The following FBXL20 variants were observed in gnomAD, a reference collection of about 807,000 sequenced individuals.
FBXL20 encodes the protein F-box and leucine rich repeat protein 20.
In FBXL20, 11 loss-of-function variants were observed where a neutral mutation model predicts 64.0. The observed-to-expected ratio is 0.17, with a 90% CI of 0.11 to 0.28. The LOEUF is 0.28. Among genes scored for constraint, FBXL20 ranks in the 10% least tolerant of loss-of-function variants. The pLI is 1.00. For missense variants in FBXL20, 303 were observed against 526.2 expected, an observed-to-expected ratio of 0.58 and a Z score of 4.15; for synonymous variants, 184 against 189.0, an observed-to-expected ratio of 0.97 and a Z score of 0.22.
At chr17:39,290,048 T>A (rs932706332) in intron 6 of FBXL20, among the ~76,000 whole-genome samples, 1 of 150,176 alleles carries the variant, frequency 6.7e-6, no homozygotes. Context: ...TATTTCTCTA[T>A]CATTTACTTA....
chr17:39,399,835 A>G (rs1162195701), intron 1 of FBXL20, among the ~76,000 whole-genome samples: 1 of 152,244 alleles, frequency 6.6e-6, no homozygotes, highest in Admixed American at 6.5e-5. Flanking sequence ...ACAAGAGAAT[A>G]CTTTCCAAAA....
At chr17:39,386,528 G>A (rs1280793039) in intron 1 of FBXL20, among the ~76,000 whole-genome samples, 1 of 151,764 alleles carries the variant, frequency 6.6e-6, no homozygotes, top group African/African-American at 2.4e-5. Flanking sequence ...GGAGGCTGAG[G>A]CACAAAAATC....
chr17:39,271,629 G>T (rs1030995514), intron 10 of FBXL20, among the ~76,000 whole-genome samples: 1 of 148,394 alleles, frequency 6.7e-6, no homozygotes, highest in Non-Finnish European at 1.5e-5. Context: ...AAAAAAGGTG[G>T]GGGGGATTGC....
intron 1 of FBXL20, among the ~76,000 whole-genome samples, chr17:39,347,543 T>C (rs2047646293): frequency 6.6e-6 from 1 of 151,762 alleles, no homozygotes; most frequent in Admixed American, 6.6e-5. Context: ...GGTTGTTTGA[T>C]TTTTTCTTGT....
chr17:39,402,314 GC>G, upstream of FBXL20: 2 of 854,242 alleles, frequency 2.3e-6, no homozygotes, highest in African/African-American at 1.7e-5. Context: ...CGCCTCCCCC[GC>G]CCCAGTGCAT....
chr17:39,349,817 T>C (rs751562207), intron 1 of FBXL20, among the ~76,000 whole-genome samples: 7 of 151,752 alleles, frequency 4.6e-5, no homozygotes, highest in Non-Finnish European at 7.4e-5. Flanking sequence ...GCGCTTGTAG[T>C]CCCAGCTACT....
intron 1 of FBXL20, among the ~76,000 whole-genome samples, chr17:39,391,626 G>A (rs1226366117): frequency 6.6e-6 from 1 of 152,048 alleles, no homozygotes; most frequent in Non-Finnish European, 1.5e-5. Context: ...GTAAAATCCT[G>A]ATGACATCAC....
At chr17:39,381,556 C>T (rs189618392) in intron 1 of FBXL20, among the ~76,000 whole-genome samples, 66 of 150,990 alleles carry the variant, frequency 4.4e-4, no homozygotes, top group African/African-American at 1.5e-3. Context: ...TGTGGGAGGC[C>T]GAAGCAGGCA....
chr17:39,357,766 T>C (rs1022815583), intron 1 of FBXL20, among the ~76,000 whole-genome samples: 1 of 152,232 alleles, frequency 6.6e-6, no homozygotes, highest in African/African-American at 2.4e-5. Context: ...TTGTCGTTCA[T>C]ATTTACCTCT....
At chr17:39,382,172 G>A (rs1168798242) in intron 1 of FBXL20, among the ~76,000 whole-genome samples, 5 of 145,256 alleles carry the variant, frequency 3.4e-5, no homozygotes, top group East Asian at 2.1e-4. Context: ...GGCTTGGCGC[G>A]GTGGCTCACG....
chr17:39,285,670 T>C, intron 6 of FBXL20, 97 bp from the exon 7 acceptor site: 1 of 611,310 alleles, frequency 1.6e-6, no homozygotes, highest in Non-Finnish European at 2.5e-6. Context: ...TGTGTATATA[T>C]AAGAACTGTA....
At chr17:39,328,362 G>A (rs1214182298) in intron 2 of FBXL20, among the ~76,000 whole-genome samples, 1 of 151,762 alleles carries the variant, frequency 6.6e-6, no homozygotes, top group East Asian at 1.9e-4. Context: ...CTGAATCAAG[G>A]GAGGTGTAAG....
chr17:39,358,420 T>G (rs903942348), intron 1 of FBXL20, among the ~76,000 whole-genome samples: 29 of 152,336 alleles, frequency 1.9e-4, no homozygotes, highest in African/African-American at 6.3e-4. Context: ...CAGTGGCTCA[T>G]GCCTGTAATC....
At position 39,382,092 on chromosome 17, in the gene FBXL20, C is replaced by CAA. The variant is rs36115875; in HGVS notation, c.42+19267_42+19268dup. On this transcript the variant is annotated intron_variant, in intron 1 of 14. Coordinates refer to ENST00000264658, the MANE Select transcript of FBXL20 (RefSeq NM_032875.3). Reference sequence around the variant, plus strand: ...TGGCAAACACAGCGAGACTCCGTCTCAAAAAAAAAAAAAAAAAAAAAATCC... The same window carrying CAA: ...TGGCAAACACAGCGAGACTCCGTCTCAAAAAAAAAAAAAAAAAAAAAAAATCC... 1.4e-3 allele frequency among the ~76,000 whole-genome samples: 99 copies of CAA among 71,012 alleles called. 1 individual carries two copies. Among genetic ancestry groups the CAA allele is most frequent in the East Asian group, 6.0e-3 (14 of 2,352 alleles). The allele number at this position is 71,012 out of a possible 152,430, so 46.6% of individuals were successfully genotyped here.
chr17:39,363,820 AAAAAAAC>A (rs1740171845), intron 1 of FBXL20, among the ~76,000 whole-genome samples: 3 of 104,028 alleles, frequency 2.9e-5, no homozygotes, highest in Non-Finnish European at 5.6e-5. Context: ...CAAAAAAAAA[AAAAAAAC>A]AAAAAACAAA....
intron 13 of FBXL20, 122 bp from the exon 14 acceptor site, chr17:39,264,509 T>C (rs780894693): frequency 3.1e-6 from 3 of 972,492 alleles, no homozygotes; most frequent in African/African-American, 3.3e-5. Context: ...GAGCTGGCAC[T>C]AGATCCACGT....
intron 1 of FBXL20, among the ~76,000 whole-genome samples, chr17:39,364,672 T>C (rs543629442): frequency 3.2e-4 from 49 of 152,268 alleles, no homozygotes; most frequent in Non-Finnish European, 8.8e-5. Flanking sequence ...GGCTAGGACT[T>C]AAGAGACAAT....
rs558118086 is a variant in FBXL20 at position 39,328,527 on chromosome 17, T to A, written c.104+14653A>T. Among the ~76,000 whole-genome samples, 4 of 152,198 alleles carry A rather than the reference T, an allele frequency of 2.6e-5. 1 individual carries two copies. In the South Asian group the frequency reaches 8.3e-4, roughly 32 times the overall value. ...CAAAATAATGATAACCCAAATGAGA[T>A]AACAATGCACTGAATATATTAGCAA... On this transcript the variant is annotated intron_variant, in intron 2 of 14. Coordinates refer to ENST00000264658, the MANE Select transcript of FBXL20 (RefSeq NM_032875.3).
At chr17:39,272,402 A>AT (rs1321051104) in intron 10 of FBXL20, among the ~76,000 whole-genome samples, 11 of 110,582 alleles carry the variant, frequency 9.9e-5, no homozygotes, top group African/African-American at 9.4e-5. Context: ...AAAAAAAAAA[A>AT]TTTTTTTTTT....
Sources: gnomAD v4.1 joint callset for allele counts (sites outside exome capture counted in the v4.1 genomes callset) on GRCh38, gnomAD v4.1.1 for gene constraint, MANE v1.5 for transcripts, NCBI Gene and HGNC (gene_info 2026-07-23, HGNC 2026-07-21) for gene names.